L3MBTL4: variants seen among roughly 807,000 people sequenced by gnomAD.
L3MBTL4 encodes lethal(3)malignant brain tumor-like protein 4.
L3MBTL4 carries 70 observed loss-of-function variants against 84.5 expected under a neutral mutation model. The observed-to-expected ratio is 0.83, with a 90% CI of 0.68 to 1.01. L3MBTL4 has a LOEUF of 1.01. Ranked by LOEUF, L3MBTL4 falls within the 50% of genes least tolerant of loss-of-function variation. The probability of loss-of-function intolerance (pLI) is 0.00; values close to 1 mark genes in which losing one functional copy is unlikely to be tolerated. For missense variants in L3MBTL4, 715 were observed against 754.8 expected, an observed-to-expected ratio of 0.95 and a Z score of 0.62; for synonymous variants, 274 against 259.8, an observed-to-expected ratio of 1.05 and a Z score of -0.52.
rs373935970 is a variant in L3MBTL4, at chr18:6,311,578, C to T, written c.48G>A (p.Glu16=). Residue 16 remains glutamate (E), a synonymous_variant, in exon 3 of 19, where the codon GAG becomes GAA. Coordinates refer to ENST00000317931, the MANE Select transcript of L3MBTL4 (RefSeq NM_001330559.2). ...RKRKLNMDSK[E]RLDQDGRLEQ... is the part of the protein sequence containing the mutation. ...CCAAGCGTCCGTCCTGATCCAAACGCTCTTTGGAATCCATATTAAGCTTCC... is the reference window on the plus strand; with the variant it reads ...CCAAGCGTCCGTCCTGATCCAAACGTTCTTTGGAATCCATATTAAGCTTCC... The T allele has an allele frequency of 7.8e-5, 126 of 1,613,406 alleles. No individual in the cohort carries two copies. Among genetic ancestry groups the T allele is most frequent in the African/African-American group, 1.2e-4 (9 of 74,850 alleles).
intron 5 of L3MBTL4, among the ~76,000 whole-genome samples, chr18:6,247,765 G>C (rs2047743499): frequency 6.6e-6 from 1 of 151,530 alleles, no homozygotes; most frequent in Non-Finnish European, 1.5e-5. Context: ...AAAGTGCTGG[G>C]ATTACAGGCC....
intron 16 of L3MBTL4, chr18:6,031,200 T>C: frequency 2.0e-6 from 2 of 985,452 alleles, no homozygotes; most frequent in Non-Finnish European, 1.2e-6. Context: ...AGAATGATCA[T>C]TGAGCATTAT....
intron 10 of L3MBTL4, among the ~76,000 whole-genome samples, chr18:6,232,524 G>A (rs2047040396): frequency 6.6e-6 from 1 of 151,824 alleles, no homozygotes; most frequent in African/African-American, 2.4e-5. Context: ...TTTGTCAGGA[G>A]GTTTTTGTAT....
chr18:5,957,825 C>T (rs1240574482), intron 18 of L3MBTL4, among the ~76,000 whole-genome samples: 2 of 151,466 alleles, frequency 1.3e-5, no homozygotes. Context: ...AAAAATTAGC[C>T]AGGCGTAGTG....
At chr18:6,223,916 T>C (rs928171299) in intron 10 of L3MBTL4, among the ~76,000 whole-genome samples, 3 of 152,278 alleles carry the variant, frequency 2.0e-5, no homozygotes, top group African/African-American at 4.8e-5. Flanking sequence ...AAATCTTAAA[T>C]GTGCTAAAAG....
chr18:6,132,214 T>G (rs562970646), intron 14 of L3MBTL4, among the ~76,000 whole-genome samples: 4 of 152,350 alleles, frequency 2.6e-5, no homozygotes, highest in Admixed American at 6.5e-5. Context: ...TAAGTTAAAA[T>G]GTATTTACCT....
In L3MBTL4 at chr18:6,229,961, C is replaced by A. The variant is rs74722108; in HGVS notation, c.784+8003G>T. Among the ~76,000 whole-genome samples the A allele has an allele frequency of 2.9e-3, 435 of 152,220 alleles. 3 individuals are homozygous for A. Among genetic ancestry groups the A allele is most frequent in the African/African-American group, 0.01 (427 of 41,544 alleles). On this transcript the variant is annotated intron_variant, in intron 10 of 18. Coordinates refer to ENST00000317931, the MANE Select transcript of L3MBTL4 (RefSeq NM_001330559.2). ...TGATTGTATAGACTATTCAGGGTCC[C>A]TTGAGAGTCAATATAAATTTTAGGA...
At position 6,238,712 on chromosome 18, in the gene L3MBTL4, T is replaced by G. The variant is rs571106843; in HGVS notation, c.708-672A>C. Among the ~76,000 whole-genome samples the G allele has an allele frequency of 2.6e-5, 4 of 152,242 alleles. No individual in the cohort carries two copies. In the South Asian group the frequency reaches 8.3e-4, roughly 32 times the overall value. ...CAGATGACATCTTTCCTCCTTGTCC[T>G]TTTCAAAGAACCCAGAATATTCTGC... On this transcript the variant is annotated intron_variant, in intron 9 of 18. Coordinates refer to ENST00000317931, the MANE Select transcript of L3MBTL4 (RefSeq NM_001330559.2).
intron 13 of L3MBTL4, among the ~76,000 whole-genome samples, chr18:6,147,056 G>A (rs529620537): frequency 5.9e-5 from 9 of 151,656 alleles, no homozygotes; most frequent in African/African-American, 2.2e-4. Context: ...GGTATGAAAT[G>A]TGAACTAAAA....
At chr18:6,174,087 C>A (rs937156553) in intron 12 of L3MBTL4, among the ~76,000 whole-genome samples, 2 of 151,494 alleles carry the variant, frequency 1.3e-5, no homozygotes, top group Non-Finnish European at 1.5e-5. Context: ...TAAAATCAAG[C>A]CTTAGCCAGA....
Position 6,371,617 on chromosome 18 carries a change from C to T in L3MBTL4, c.-91+43184G>A, listed in dbSNP as rs1044036475. ...TTCCAAAAAATGGCCTTACAATTCC[C>T]GCCCCAAATGTTACTGAATTGTTAA... On this transcript the variant is annotated intron_variant, in intron 1 of 18. Transcript: ENST00000317931. 4.8e-4 allele frequency among the ~76,000 whole-genome samples: 73 copies of T among 152,166 alleles called. 1 individual carries two copies. The highest frequency in any genetic ancestry group is 1.0e-3 in the Non-Finnish European group (68 of 68,016).
chr18:6,004,408 C>T (rs1396809519), intron 16 of L3MBTL4, among the ~76,000 whole-genome samples: 1 of 152,042 alleles, frequency 6.6e-6, no homozygotes, highest in Non-Finnish European at 1.5e-5. Flanking sequence ...AAAGATAAGC[C>T]CTGGACGAGA....
In L3MBTL4 at chr18:6,243,412, T is replaced by C. The variant is rs2047532197; in HGVS notation, c.342A>G (p.Leu114=). 4.4e-6 allele frequency: 7 copies of C among 1,604,570 alleles called. No homozygotes were observed. The highest frequency in any genetic ancestry group is 6.0e-6 in the Non-Finnish European group (7 of 1,176,132). Residue 114 remains leucine, a synonymous_variant, in exon 7 of 19, where the codon CTA becomes CTG. Coordinates refer to ENST00000317931, the MANE Select transcript of L3MBTL4 (RefSeq NM_001330559.2). ...TTAAATAACCATCAAAATGAAGTCT[T>C]AGACGGTAACCACAAACCTGCAAGA... ...LSVAEVCGYR[L]RLHFDGYLSC...
intron 5 of L3MBTL4, among the ~76,000 whole-genome samples, chr18:6,252,960 T>C (rs112538009): frequency 6.6e-6 from 1 of 152,096 alleles, no homozygotes; most frequent in African/African-American, 2.4e-5. Context: ...TCCCAGCACT[T>C]TGGGAGGCCG....
intron 12 of L3MBTL4, among the ~76,000 whole-genome samples, chr18:6,186,822 G>T (rs984731153): frequency 6.6e-6 from 1 of 152,210 alleles, no homozygotes; most frequent in Non-Finnish European, 1.5e-5. Context: ...CAGGGAAGCC[G>T]TGGGAGGCCA....
chr18:6,407,217 TC>T (rs1412618830), intron 1 of L3MBTL4, among the ~76,000 whole-genome samples: 1 of 152,208 alleles, frequency 6.6e-6, no homozygotes, highest in East Asian at 1.9e-4. Flanking sequence ...CATCACCGAT[TC>T]ACACAAAACA....
chr18:6,348,986 T>G (rs1376695276), intron 1 of L3MBTL4, among the ~76,000 whole-genome samples: 1 of 152,170 alleles, frequency 6.6e-6, no homozygotes, highest in Non-Finnish European at 1.5e-5. Context: ...AAATTCTAAT[T>G]AAAACTACAA....
intron 16 of L3MBTL4, among the ~76,000 whole-genome samples, chr18:5,970,433 C>A (rs560436326): frequency 6.6e-6 from 1 of 152,310 alleles, no homozygotes; most frequent in Admixed American, 6.5e-5. Flanking sequence ...TGACTTTAAT[C>A]TTATGTTACA....
chr18:6,079,500 G>A lies in L3MBTL4; in HGVS notation c.1444+1381C>T, dbSNP rs144896622. On this transcript the variant is annotated intron_variant, in intron 16 of 18. Coordinates refer to ENST00000317931, the MANE Select transcript of L3MBTL4 (RefSeq NM_001330559.2). ...ATACATGATGCAGAAAAGAACAAGT[G>A]CATTCTGAGCATCTTGGAAGAGATT... 1.6e-3 allele frequency among the ~76,000 whole-genome samples: 237 copies of A among 152,334 alleles called. 2 individuals carry two copies. Among genetic ancestry groups the A allele is most frequent in the Admixed American group, 0.011 (173 of 15,298 alleles).
Sources: allele counts gnomAD v4.1 joint callset (sites outside exome capture counted in the v4.1 genomes callset), GRCh38; gene constraint gnomAD v4.1.1; transcripts MANE v1.5; gene names NCBI Gene and HGNC (gene_info 2026-07-23, HGNC 2026-07-21).